The following TENM2 variants were observed in gnomAD, a reference collection of about 807,000 sequenced individuals.
TENM2 encodes teneurin transmembrane protein 2, also known as teneurin-2.
TENM2 carries 52 observed loss-of-function variants against 245.2 expected under a neutral mutation model. That is an observed-to-expected ratio of 0.21 (90% CI 0.17 to 0.27). TENM2 has a LOEUF of 0.27. Ranked by LOEUF, TENM2 falls within the 10% of genes least tolerant of loss-of-function variation. The pLI is 1.00. For synonymous variants in TENM2, 1,363 were observed against 1,438.9 expected, an observed-to-expected ratio of 0.95 and a Z score of 1.19; for missense variants, 3,046 against 3,666.8, an observed-to-expected ratio of 0.83 and a Z score of 4.37.
chr5:168,255,580 C>T (rs1482055305), intron 27 of TENM2, among the ~76,000 whole-genome samples: 1 of 152,092 alleles, frequency 6.6e-6, no homozygotes, highest in African/African-American at 2.4e-5. Flanking sequence ...GCTGGGATTA[C>T]AGGCATGAGC....
chr5:167,191,093 G>A, the TENM2 span, among the ~76,000 whole-genome samples: 1 of 151,686 alleles, frequency 6.6e-6, no homozygotes, highest in Non-Finnish European at 1.5e-5. Context: ...AAGAAACTTT[G>A]ATATATATTC....
chr5:167,619,510 G>T (rs1325210069), intron 2 of TENM2, among the ~76,000 whole-genome samples: 1 of 152,042 alleles, frequency 6.6e-6, no homozygotes, highest in Non-Finnish European at 1.5e-5. Context: ...GTGTGGATGG[G>T]ATCCTCTTGC....
At chr5:167,048,117 T>C in the TENM2 span, among the ~76,000 whole-genome samples, 8 of 152,198 alleles carry the variant, frequency 5.3e-5, no homozygotes, top group Non-Finnish European at 1.0e-4. Flanking sequence ...TCTGTACTCA[T>C]GAATAATTAT....
At chr5:168,191,774 G>A (rs146245011) in intron 14 of TENM2, among the ~76,000 whole-genome samples, 226 of 152,056 alleles carry the variant, frequency 1.5e-3, no homozygotes, top group African/African-American at 5.0e-3. Flanking sequence ...TGATTCTCTC[G>A]GAGCCCCTCT....
At chr5:167,435,015 A>T (rs1764462060) in intron 2 of TENM2, among the ~76,000 whole-genome samples, 1 of 152,252 alleles carries the variant, frequency 6.6e-6, no homozygotes, top group Non-Finnish European at 1.5e-5. Context: ...CTAGTAGTTG[A>T]TGCCAACGTA....
In TENM2 at chr5:167,870,627, A is replaced by T. The variant is rs374602500; in HGVS notation, c.503-5359A>T. On this transcript the variant is annotated intron_variant, in intron 2 of 28. Coordinates refer to ENST00000518659, the Ensembl canonical transcript of TENM2. ...TATATATGTATATATATGTATATATATACACACACACATATATAGTAATAT... is the reference window on the plus strand; with the variant it reads ...TATATATGTATATATATGTATATATTTACACACACACATATATAGTAATAT... 7.4e-5 allele frequency among the ~76,000 whole-genome samples: 11 copies of T among 148,048 alleles called. No homozygotes were observed. The East Asian group carries it at 2.1e-3, about 29-fold the overall frequency.
At chr5:167,182,883 A>C in the TENM2 span, among the ~76,000 whole-genome samples, 10,935 of 152,184 alleles carry the variant, frequency 0.072, 1,064 homozygotes, top group East Asian at 0.36. Flanking sequence ...ACTTTCTATT[A>C]ATATTAATGC....
chr5:167,955,379 A>G (rs1476006802), intron 4 of TENM2, among the ~76,000 whole-genome samples: 3 of 152,090 alleles, frequency 2.0e-5, no homozygotes, highest in Non-Finnish European at 4.4e-5. Context: ...CCTTTGTCAG[A>G]TGGATAGATG....
At chr5:167,644,582 C>T (rs1779809689) in intron 2 of TENM2, among the ~76,000 whole-genome samples, 1 of 152,144 alleles carries the variant, frequency 6.6e-6, no homozygotes, top group South Asian at 2.1e-4. Flanking sequence ...CATTACGAGG[C>T]TGGAATAAGA....
At chr5:167,387,385 T>C (rs571070453) in intron 2 of TENM2, among the ~76,000 whole-genome samples, 24 of 152,218 alleles carry the variant, frequency 1.6e-4, no homozygotes, top group Admixed American at 1.3e-3. Flanking sequence ...GGAAAGTTTG[T>C]TGAATTCTTG....
chr5:167,637,133 A>T (rs536755797), intron 2 of TENM2, among the ~76,000 whole-genome samples: 3 of 152,364 alleles, frequency 2.0e-5, no homozygotes, highest in South Asian at 4.1e-4. Context: ...ATAATATGCA[A>T]AGAACTTAGA....
Position 167,576,349 on chromosome 5 carries a change from G to T in TENM2, c.502+200876G>T, listed in dbSNP as rs145564320. On this transcript the variant is annotated intron_variant, in intron 2 of 28. Coordinates refer to ENST00000518659, the Ensembl canonical transcript of TENM2. Reference sequence around the variant, plus strand: ...AAAGAGCATTTTTTTTTTTTTTACAGGAAAAAAAGAAATGCAGTAGACTTA... The same window carrying T: ...AAAGAGCATTTTTTTTTTTTTTACATGAAAAAAAGAAATGCAGTAGACTTA... Among the ~76,000 whole-genome samples the T allele has an allele frequency of 5.2e-4, 75 of 145,010 alleles. 1 individual carries two copies. Among genetic ancestry groups the T allele is most frequent in the African/African-American group, 1.8e-3 (70 of 38,878 alleles).
chr5:167,006,023 G>T, the TENM2 span, among the ~76,000 whole-genome samples: 1 of 152,052 alleles, frequency 6.6e-6, no homozygotes, highest in Non-Finnish European at 1.5e-5. Context: ...AAGGAGGTAG[G>T]ACATGGTAGG....
chr5:167,777,346 A>C (rs2150809092), intron 2 of TENM2, among the ~76,000 whole-genome samples: 1 of 152,376 alleles, frequency 6.6e-6, no homozygotes, highest in South Asian at 2.1e-4. Context: ...TATTATTTAA[A>C]TTCATACAAT....
chr5:167,346,163 T>C (rs1207529795), intron 1 of TENM2, among the ~76,000 whole-genome samples: 1 of 152,204 alleles, frequency 6.6e-6, no homozygotes, highest in Non-Finnish European at 1.5e-5. Context: ...GATATTGGAC[T>C]ACAGGAAAGG....
At chr5:167,870,569 ATGTGTGTG>A (rs1554135290) in intron 2 of TENM2, among the ~76,000 whole-genome samples, 12 of 142,422 alleles carry the variant, frequency 8.4e-5, no homozygotes, top group Admixed American at 2.8e-4. Context: ...ATATATATAT[ATGTGTGTG>A]TATATATATA....
At chr5:168,186,317 C>A (rs899582408) in intron 13 of TENM2, 2 of 152,138 alleles carry the variant, frequency 1.3e-5, no homozygotes, top group Admixed American at 1.3e-4. Context: ...CTCTGATTTG[C>A]TTTATCAAAA....
chr5:167,099,042 A>G, the TENM2 span, among the ~76,000 whole-genome samples: 2 of 152,196 alleles, frequency 1.3e-5, no homozygotes, highest in Admixed American at 6.5e-5. Context: ...TATTGCCACA[A>G]AATATGTAGT....
At chr5:167,154,692 T>A in the TENM2 span, among the ~76,000 whole-genome samples, 1 of 152,190 alleles carries the variant, frequency 6.6e-6, no homozygotes, top group East Asian at 1.9e-4. Flanking sequence ...GTATTCTCTT[T>A]TTTCCATTGT....
Sources: gnomAD v4.1 joint callset for allele counts (sites outside exome capture counted in the v4.1 genomes callset) on GRCh38, gnomAD v4.1.1 for gene constraint, MANE v1.5 for transcripts, NCBI Gene and HGNC (gene_info 2026-07-23, HGNC 2026-07-21) for gene names.